The following MATCAP2 variants were observed in gnomAD, a reference collection of about 807,000 sequenced individuals.
MATCAP2 encodes microtubule associated tyrosine carboxypeptidase 2.
chr7:36,389,494 C>T, the MATCAP2 span, among the ~76,000 whole-genome samples: 1 of 152,200 alleles, frequency 6.6e-6, no homozygotes, highest in Non-Finnish European at 1.5e-5. Flanking sequence ...TCCCCAAATG[C>T]TGGGATTATA....
At chr7:36,338,621 T>TA in the MATCAP2 span, among the ~76,000 whole-genome samples, 25 of 149,190 alleles carry the variant, frequency 1.7e-4, no homozygotes, top group South Asian at 1.1e-3. Context: ...TATTTTTAAT[T>TA]AAAAAAAAAA....
At chr7:36,379,847 C>CAGAGAGAGAG in the MATCAP2 span, among the ~76,000 whole-genome samples, 4 of 107,696 alleles carry the variant, frequency 3.7e-5, no homozygotes, top group East Asian at 3.0e-4. Flanking sequence ...CACACACACA[C>CAGAGAGAGAG]AGAGAGAGAG....
chr7:36,363,404 T>C, the MATCAP2 span, among the ~76,000 whole-genome samples: 1 of 152,250 alleles, frequency 6.6e-6, no homozygotes, highest in Non-Finnish European at 1.5e-5. Flanking sequence ...ATTTTGTTAA[T>C]GAATGAACTA....
the MATCAP2 span, chr7:36,367,312 C>A: frequency 4.0e-6 from 4 of 1,008,636 alleles, no homozygotes; most frequent in Admixed American, 1.2e-4. Flanking sequence ...GCGACGAAGG[C>A]CCGCGGGCGG....
chr7:36,324,221 T>A, the MATCAP2 span: 1 of 152,246 alleles, frequency 6.6e-6, no homozygotes, highest in Non-Finnish European at 1.5e-5. Flanking sequence ...ACACACTTCA[T>A]CTGAGAACCT....
the MATCAP2 span, among the ~76,000 whole-genome samples, chr7:36,364,686 A>G: frequency 6.6e-6 from 1 of 152,184 alleles, no homozygotes; most frequent in Admixed American, 6.5e-5. Flanking sequence ...ATATCAATGA[A>G]TCGTGAGGGA....
At chr7:36,359,353 GTCAACAGTA>G in the MATCAP2 span, among the ~76,000 whole-genome samples, 1 of 152,186 alleles carries the variant, frequency 6.6e-6, no homozygotes, top group Non-Finnish European at 1.5e-5. Flanking sequence ...ATTCCAAAAT[GTCAACAGTA>G]TCAAGGTAGA....
chr7:36,326,569 A>G, the MATCAP2 span: 404,621 of 410,462 alleles, frequency 0.99, 199,694 homozygotes, highest in East Asian at 1. Context: ...TCCCCCTGCA[A>G]CCTATAGAAA....
the MATCAP2 span, chr7:36,357,412 CT>C: frequency 6.2e-7 from 1 of 1,614,092 alleles, no homozygotes; most frequent in Non-Finnish European, 8.5e-7. Context: ...GTGAATGATA[CT>C]TTTTTTCCTC....
At chr7:36,381,373 C>T in the MATCAP2 span, among the ~76,000 whole-genome samples, 1 of 151,960 alleles carries the variant, frequency 6.6e-6, no homozygotes, top group African/African-American at 2.4e-5. Flanking sequence ...ATGTTAAGGT[C>T]AGAGTATAGG....
chr7:36,338,959 T>A, the MATCAP2 span, among the ~76,000 whole-genome samples: 1 of 152,226 alleles, frequency 6.6e-6, no homozygotes, highest in Non-Finnish European at 1.5e-5. Flanking sequence ...AGTTGTCCTA[T>A]CTTTTTAGAC....
At chr7:36,332,462 G>A in the MATCAP2 span, among the ~76,000 whole-genome samples, 1 of 152,164 alleles carries the variant, frequency 6.6e-6, no homozygotes, top group Admixed American at 6.5e-5. Context: ...ATGAAAGACA[G>A]GAGAGAGATG....
chr7:36,390,006 CGTA>C, the MATCAP2 span: 1 of 1,614,102 alleles, frequency 6.2e-7, no homozygotes, highest in African/African-American at 1.3e-5. Flanking sequence ...TCCATCGTCT[CGTA>C]GTCCGACGCC....
the MATCAP2 span, among the ~76,000 whole-genome samples, chr7:36,376,408 A>G: frequency 2.0e-5 from 3 of 152,146 alleles, no homozygotes; most frequent in African/African-American, 7.2e-5. Flanking sequence ...GTTTTCAGTG[A>G]GTTTCTTAAT....
At chr7:36,369,701 A>G in the MATCAP2 span, among the ~76,000 whole-genome samples, 1 of 152,216 alleles carries the variant, frequency 6.6e-6, no homozygotes, top group African/African-American at 2.4e-5. Flanking sequence ...AGTACATAAC[A>G]AAAGATGATA....
chr7:36,357,519 C>T, the MATCAP2 span: 7 of 1,614,036 alleles, frequency 4.3e-6, no homozygotes, highest in Admixed American at 1.0e-4. Context: ...CTTTTGTTGT[C>T]AATGATCAAT....
the MATCAP2 span, among the ~76,000 whole-genome samples, chr7:36,370,203 C>G: frequency 6.6e-6 from 1 of 152,228 alleles, no homozygotes; most frequent in Admixed American, 6.5e-5. Context: ...TTGTTAATTA[C>G]TGATTCGTGC....
chr7:36,361,865 T>C, the MATCAP2 span, among the ~76,000 whole-genome samples: 2 of 152,220 alleles, frequency 1.3e-5, no homozygotes, highest in Non-Finnish European at 2.9e-5. Context: ...ACAATATGGA[T>C]GTATCTCAGA....
the MATCAP2 span, chr7:36,366,781 C>A: frequency 6.5e-7 from 1 of 1,534,590 alleles, no homozygotes; most frequent in Non-Finnish European, 8.7e-7. Flanking sequence ...CTCCTGCGCG[C>A]CCCGAAGGGG....
Sources: allele counts gnomAD v4.1 joint callset (sites outside exome capture counted in the v4.1 genomes callset), GRCh38; gene constraint gnomAD v4.1.1; transcripts MANE v1.5; gene names NCBI Gene and HGNC (gene_info 2026-07-23, HGNC 2026-07-21).